The following RBFOX1 variants were observed in gnomAD, a reference collection of about 807,000 sequenced individuals.
RBFOX1 encodes RNA binding fox-1 homolog 1.
In RBFOX1, 8 loss-of-function variants were observed where a neutral mutation model predicts 57.7. The observed-to-expected ratio is 0.14, with a 90% CI of 0.08 to 0.25. The LOEUF (loss-of-function observed/expected upper bound fraction) is 0.25, where lower values mean the gene tolerates loss of function less well. Ranked by LOEUF, RBFOX1 falls within the 10% of genes least tolerant of loss-of-function variation. RBFOX1 has a pLI of 1.00. For missense variants in RBFOX1, 611 were observed against 548.5 expected, an observed-to-expected ratio of 1.11 and a Z score of -1.14; for synonymous variants, 326 against 222.4, an observed-to-expected ratio of 1.47 and a Z score of -4.15.
At chr16:6,954,785 C>G (rs1015592506) in intron 3 of RBFOX1, among the ~76,000 whole-genome samples, 12 of 152,098 alleles carry the variant, frequency 7.9e-5, no homozygotes, top group Non-Finnish European at 1.5e-4. Flanking sequence ...CTTGAGCACC[C>G]AGTTTGAAGG....
At chr16:5,780,409 G>C (rs1567532199) in intron 3 of RBFOX1, among the ~76,000 whole-genome samples, 2 of 152,288 alleles carry the variant, frequency 1.3e-5, no homozygotes, top group African/African-American at 4.8e-5. Flanking sequence ...GTTCATCCAT[G>C]TATCCAACAT....
At chr16:5,919,726 A>G (rs922457450) in intron 4 of RBFOX1, among the ~76,000 whole-genome samples, 42 of 152,134 alleles carry the variant, frequency 2.8e-4, no homozygotes, top group African/African-American at 9.7e-4. Flanking sequence ...GTTTCAAAAC[A>G]TTTTCATTTC....
intron 4 of RBFOX1, among the ~76,000 whole-genome samples, chr16:5,991,915 C>A (rs753928977): frequency 6.6e-6 from 1 of 152,058 alleles, no homozygotes; most frequent in Non-Finnish European, 1.5e-5. Flanking sequence ...ACCATTCTTA[C>A]CATCACAGTT....
intron 4 of RBFOX1, among the ~76,000 whole-genome samples, chr16:7,089,784 A>T (rs939358445): frequency 1.3e-5 from 2 of 152,204 alleles, no homozygotes; most frequent in Non-Finnish European, 2.9e-5. Flanking sequence ...TTCTTCTCTC[A>T]GACCAATGCA....
intron 1 of RBFOX1, among the ~76,000 whole-genome samples, chr16:6,185,615 A>G (rs2097100303): frequency 6.6e-6 from 1 of 152,232 alleles, no homozygotes; most frequent in Non-Finnish European, 1.5e-5. Flanking sequence ...CAATGTACAC[A>G]GAGCATTTAA....
chr16:6,518,619 TG>T (rs2096431480), intron 2 of RBFOX1, among the ~76,000 whole-genome samples: 2 of 152,174 alleles, frequency 1.3e-5, no homozygotes, highest in South Asian at 4.1e-4. Context: ...CTCCAGCTCT[TG>T]GGGCTTCTTG....
intron 1 of RBFOX1, among the ~76,000 whole-genome samples, chr16:6,088,950 G>C (rs1162079191): frequency 6.6e-6 from 1 of 151,860 alleles, no homozygotes; most frequent in Non-Finnish European, 1.5e-5. Flanking sequence ...CAAAAAATTA[G>C]CTGGGTGTGG....
rs375912018 is a variant in RBFOX1, at chr16:6,825,368, A to T, written c.-16+170718A>T. Among the ~76,000 whole-genome samples, 3 of 152,022 alleles carry T rather than the reference A, an allele frequency of 2.0e-5. No homozygotes were observed. In the East Asian group the frequency reaches 5.8e-4, roughly 29 times the overall value. On this transcript the variant is annotated intron_variant, in intron 3 of 15. Transcript: ENST00000550418. ...AGAATCAGTCTTCTAGATATTTTTA[A>T]ATACACACTTAAAATTCACGAATTA...
At chr16:6,524,292 A>C (rs2096548979) in intron 2 of RBFOX1, among the ~76,000 whole-genome samples, 2 of 152,172 alleles carry the variant, frequency 1.3e-5, no homozygotes, top group Non-Finnish European at 1.5e-5. Context: ...AATGATCTCC[A>C]GTTCATTCTG....
At chr16:7,019,278 T>C (rs543718573) in intron 3 of RBFOX1, among the ~76,000 whole-genome samples, 40 of 152,228 alleles carry the variant, frequency 2.6e-4, no homozygotes, top group African/African-American at 8.9e-4. Flanking sequence ...AAAAAACAGG[T>C]AGATTTGGAA....
intron 1 of RBFOX1, among the ~76,000 whole-genome samples, chr16:5,256,654 G>A (rs1454197869): frequency 2.6e-5 from 4 of 152,114 alleles, no homozygotes; most frequent in Non-Finnish European, 4.4e-5. Flanking sequence ...TAGCTAAGTG[G>A]CTGGGCATGG....
chr16:7,560,387 C>T (rs1426546116), intron 5 of RBFOX1, among the ~76,000 whole-genome samples: 1 of 151,860 alleles, frequency 6.6e-6, no homozygotes, highest in Non-Finnish European at 1.5e-5. Flanking sequence ...AGAAACATGA[C>T]ACAATGAGAA....
At chr16:6,924,970 GA>G (rs2075271861) in intron 3 of RBFOX1, among the ~76,000 whole-genome samples, 1 of 151,300 alleles carries the variant, frequency 6.6e-6, no homozygotes, top group Admixed American at 6.6e-5. Flanking sequence ...AGTTTGCTGA[GA>G]ATGATGGTTT....
At chr16:6,530,445 G>A (rs958620621) in intron 2 of RBFOX1, among the ~76,000 whole-genome samples, 1 of 152,150 alleles carries the variant, frequency 6.6e-6, no homozygotes, top group African/African-American at 2.4e-5. Context: ...GTTGCTATTT[G>A]TCTGGTTTCT....
chr16:7,161,058 C>A (rs2078225503), intron 4 of RBFOX1, among the ~76,000 whole-genome samples: 2 of 151,910 alleles, frequency 1.3e-5, no homozygotes, highest in South Asian at 4.1e-4. Flanking sequence ...TTGTTCCCAG[C>A]TACCCAGATG....
intron 11 of RBFOX1, among the ~76,000 whole-genome samples, chr16:7,643,451 T>C (rs1337224905): frequency 3.3e-5 from 5 of 152,368 alleles, no homozygotes; most frequent in African/African-American, 9.6e-5. Flanking sequence ...CAAAATGTTA[T>C]GAAGGTTTCT....
intron 3 of RBFOX1, among the ~76,000 whole-genome samples, chr16:6,988,366 T>A (rs1457069406): frequency 1.3e-5 from 2 of 152,180 alleles, no homozygotes; most frequent in Non-Finnish European, 2.9e-5. Context: ...TAGCTACTGT[T>A]TACTTATGGT....
chr16:5,295,160 C>G (rs2063635330), intron 1 of RBFOX1, among the ~76,000 whole-genome samples: 1 of 151,726 alleles, frequency 6.6e-6, no homozygotes, highest in South Asian at 2.1e-4. Context: ...GCTTGACATG[C>G]CTGTGGAAAG....
intron 2 of RBFOX1, among the ~76,000 whole-genome samples, chr16:6,559,932 G>T (rs925664871): frequency 1.3e-5 from 2 of 151,996 alleles, no homozygotes; most frequent in Non-Finnish European, 2.9e-5. Flanking sequence ...AACTCATATT[G>T]CAGGAAGAAA....
Sources: gnomAD v4.1 joint callset for allele counts (sites outside exome capture counted in the v4.1 genomes callset) on GRCh38, gnomAD v4.1.1 for gene constraint, MANE v1.5 for transcripts, NCBI Gene and HGNC (gene_info 2026-07-23, HGNC 2026-07-21) for gene names.